The following UFL1 variants were observed in gnomAD, a reference collection of about 807,000 sequenced individuals.
UFL1 encodes the protein UFM1 specific ligase 1.
In UFL1, 78 loss-of-function variants were observed where a neutral mutation model predicts 99.3. The ratio of observed to expected loss-of-function variants is 0.79; its 90% confidence interval spans 0.65 to 0.95. The LOEUF is 0.95. Ranked by LOEUF, UFL1 falls within the 40% of genes least tolerant of loss-of-function variation. UFL1 has a pLI of 0.00. For missense variants in UFL1, 936 were observed against 937.0 expected (o/e 1.00, Z 0.01); for synonymous variants, 335 against 322.2 (o/e 1.04, Z -0.42).
In UFL1 at chr6:96,528,560, G is replaced by A. The variant is rs778067168; in HGVS notation, c.524G>A (p.Gly175Glu). ...GGACATATTGATCTTGATAATAGAG[G>A]AGTAATTTTTACGGAAGCTTTTGTA... is the stretch of plus-strand genomic sequence containing the variant. ...ISGHIDLDNR[G>E]VIFTEAFVAR... Residue 175 changes from glycine to glutamate, a missense_variant, in exon 6 of 19, where the codon GGA becomes GAA. Gly to Glu is a moderately conservative substitution (Grantham distance 98). Coordinates refer to ENST00000369278, the MANE Select transcript of UFL1 (RefSeq NM_015323.5). 32 of 1,613,742 alleles carry A rather than the reference G, an allele frequency of 2.0e-5. No homozygotes were observed. The highest frequency in any genetic ancestry group is 2.7e-5 in the Non-Finnish European group (32 of 1,179,854).
chr6:96,552,854 T>G, intron 18 of UFL1, among the ~76,000 whole-genome samples, 192 bp downstream of exon 18: 1 of 152,136 alleles, frequency 6.6e-6, no homozygotes, highest in East Asian at 1.9e-4. Flanking sequence ...CTTTCAAGAA[T>G]GTTCTGAATT....
At chr6:96,530,334 G>A (rs188498038) in intron 6 of UFL1, among the ~76,000 whole-genome samples, 165 of 152,258 alleles carry the variant, frequency 1.1e-3, no homozygotes, top group African/African-American at 3.6e-3. Context: ...CAGGTTATGT[G>A]TCTTTTGATA....
chr6:96,526,190 GTGT>G, intron 4 of UFL1, 128 bp from the exon 5 acceptor site: 2 of 640,224 alleles, frequency 3.1e-6, no homozygotes, highest in Admixed American at 5.8e-5. Context: ...GTGATGAGTG[GTGT>G]TCATGTACAC....
intron 6 of UFL1, among the ~76,000 whole-genome samples, chr6:96,532,227 T>G (rs1769792763): frequency 6.6e-6 from 1 of 152,210 alleles, no homozygotes. Flanking sequence ...ATAAGCTAGG[T>G]ACCTAGACAT....
rs1770128512 is a variant in UFL1, at chr6:96,554,549, C to A, written c.*1046C>A. On this transcript the variant is annotated 3_prime_UTR_variant, in exon 19 of 19. Transcript: ENST00000369278. ...CAAATGAATTTCAAGCAACAACTTA[C>A]TTACTATTTATCAAAAAGGGATTTA... 1 of 151,920 alleles carries A rather than the reference C, an allele frequency of 6.6e-6. No homozygotes were observed. Among genetic ancestry groups the A allele is most frequent in the Non-Finnish European group, 1.5e-5 (1 of 67,908 alleles). 9.4% of individuals were successfully genotyped at this position (151,920 alleles called of 1,614,324 possible). A position where few individuals can be genotyped will look rare whatever the true frequency, so the allele number is the denominator to read the frequency against.
At position 96,521,835 on chromosome 6, in the gene UFL1, G is replaced by A. The variant is rs778391128; in HGVS notation, c.-39G>A. On this transcript the variant is annotated 5_prime_UTR_variant, in exon 1 of 19. Coordinates refer to ENST00000369278, the MANE Select transcript of UFL1 (RefSeq NM_015323.5). ...TCTCCCACCGCCTGTCGGCTGACGT[G>A]TCTGCAGTTCCTCCGCGTCTACTGC... 10 of 1,594,676 alleles carry A rather than the reference G, an allele frequency of 6.3e-6. No individual in the cohort carries two copies. Among genetic ancestry groups the A allele is most frequent in the African/African-American group, 1.3e-5 (1 of 74,562 alleles).
rs201670409 is a variant in UFL1, at chr6:96,553,494, G to A, written c.2376G>A (p.Thr792=). ...TCAAATCTAGGAAATCATCTGTGAC[G>A]GAAGAGTAATGATCTTAATTTACAT... ...LVLKSRKSSV[T]EE Residue 792 remains threonine, a synonymous_variant, in exon 19 of 19, where the codon ACG becomes ACA. Coordinates refer to ENST00000369278, the MANE Select transcript of UFL1 (RefSeq NM_015323.5). 5.2e-5 allele frequency: 84 copies of A among 1,612,476 alleles called. No individual in the cohort carries two copies. The highest frequency in any genetic ancestry group is 2.0e-4 in the South Asian group (18 of 90,994).
In UFL1 at chr6:96,553,706, A is replaced by G. The variant is rs995542811; in HGVS notation, c.*203A>G. 7 of 415,718 alleles carry G rather than the reference A, an allele frequency of 1.7e-5. No individual in the cohort carries two copies. The Admixed American group carries it at 2.8e-4, about 17-fold the overall frequency. The allele number at this position is 415,718 out of a possible 1,614,324, so 25.8% of individuals were successfully genotyped here. A position where few individuals can be genotyped will look rare whatever the true frequency, so the allele number is the denominator to read the frequency against. ...TTTTGTAAATTGGGTTCTTCATGGAAGTTTTTTTCCACCTGATTTTCACAC... is the reference window on the plus strand; with the variant it reads ...TTTTGTAAATTGGGTTCTTCATGGAGGTTTTTTTCCACCTGATTTTCACAC... On this transcript the variant is annotated 3_prime_UTR_variant, in exon 19 of 19. Coordinates refer to ENST00000369278, the MANE Select transcript of UFL1 (RefSeq NM_015323.5).
chr6:96,549,469 T>C lies in UFL1; in HGVS notation c.1578T>C (p.Thr526=). Residue 526 remains threonine (T), a synonymous_variant, in exon 14 of 19, where the codon ACT becomes ACC. Coordinates refer to ENST00000369278, the MANE Select transcript of UFL1 (RefSeq NM_015323.5). The part of the protein sequence containing the change: ...VVRSVFMSST[T]SASGTGRKRT... The stretch of plus-strand genomic sequence containing the variant: ...GTTCAGTATTCATGTCTTCAACAAC[T>C]TCTGCTTCTGGGACGGGCAGAAAAC... The C allele has an allele frequency of 6.3e-7, 1 of 1,596,292 alleles. No individual in the cohort carries two copies. Among genetic ancestry groups the C allele is most frequent in the Non-Finnish European group, 8.5e-7 (1 of 1,175,058 alleles).
At chr6:96,549,305 A>C in intron 13 of UFL1, 107 bp from the exon 14 acceptor site, 1 of 881,198 alleles carries the variant, frequency 1.1e-6, no homozygotes, top group Admixed American at 3.7e-5. Flanking sequence ...TGCATAAAAA[A>C]ATAGAGATTT....
In UFL1 at chr6:96,538,779, T is replaced by A. The variant is rs1562254166; in HGVS notation, c.1127T>A (p.Phe376Tyr). 1 of 1,607,704 alleles carries A rather than the reference T, an allele frequency of 6.2e-7. No individual in the cohort carries two copies. The highest frequency in any genetic ancestry group is 8.5e-7 in the Non-Finnish European group (1 of 1,176,226). Reference sequence around the variant, plus strand: ...TTTATAAATGACTGTACAGAACTGTTCCGTGAGCTGATGCACCAGAAAGCT... The same window carrying A: ...TTTATAAATGACTGTACAGAACTGTACCGTGAGCTGATGCACCAGAAAGCT... The part of the protein sequence containing the change: ...EKFINDCTEL[F>Y]RELMHQKAEK... Residue 376 changes from phenylalanine to tyrosine, a missense_variant, in exon 10 of 19, where the codon TTC (phenylalanine) becomes TAC (tyrosine). Coordinates refer to ENST00000369278, the MANE Select transcript of UFL1 (RefSeq NM_015323.5).
In UFL1 at chr6:96,538,683, A is replaced by G; in HGVS notation, c.1031A>G (p.Gln344Arg). Residue 344 changes from glutamine (Q) to arginine (R), a missense_variant, in exon 10 of 19, where the codon CAG becomes CGG. Physicochemically the swap from Gln to Arg is conservative, Grantham distance 43. Coordinates refer to ENST00000369278, the MANE Select transcript of UFL1 (RefSeq NM_015323.5). ...GAAGATGCTGCCATATTGCTTCAGC[A>G]GGTGATGAGGGCATTCAGCAAACAG... ...SVEDAAILLQ[Q>R]VMRAFSKQAS... is the part of the protein sequence containing the mutation. The G allele has an allele frequency of 1.9e-6, 3 of 1,611,538 alleles. No individual in the cohort carries two copies. Among genetic ancestry groups the G allele is most frequent in the South Asian group, 2.2e-5 (2 of 91,024 alleles).
intron 7 of UFL1, among the ~76,000 whole-genome samples, chr6:96,535,962 A>C (rs113287593): frequency 0.013 from 1,963 of 152,170 alleles, 37 homozygotes; most frequent in African/African-American, 0.038. Flanking sequence ...AAAATTACTC[A>C]AACTAAAAAT....
At chr6:96,550,502 CT>C (rs1317420006) in intron 15 of UFL1, among the ~76,000 whole-genome samples, 1 of 151,960 alleles carries the variant, frequency 6.6e-6, no homozygotes, top group Non-Finnish European at 1.5e-5. Context: ...CCAAATCAGT[CT>C]GATGTTTGTG....
chr6:96,543,728 C>T (rs1385020429), intron 12 of UFL1, among the ~76,000 whole-genome samples: 1 of 150,912 alleles, frequency 6.6e-6, no homozygotes, highest in South Asian at 2.1e-4. Context: ...ACATTGGAAG[C>T]TGATTCAGAG....
chr6:96,525,481 C>A, intron 4 of UFL1, 87 bp downstream of exon 4: 1 of 929,472 alleles, frequency 1.1e-6, no homozygotes, highest in East Asian at 2.5e-5. Flanking sequence ...CAATTATGGC[C>A]AGTTAGACAT....
chr6:96,553,123 C>T (rs757334119), intron 18 of UFL1, among the ~76,000 whole-genome samples, 162 bp from the exon 19 acceptor site: 38 of 152,102 alleles, frequency 2.5e-4, no homozygotes, highest in Admixed American at 4.6e-4. Context: ...CTAAATTGTA[C>T]ACTCCTTGAG....
At chr6:96,547,956 G>C (rs1227141116) in intron 12 of UFL1, among the ~76,000 whole-genome samples, 1 of 151,412 alleles carries the variant, frequency 6.6e-6, no homozygotes, top group Non-Finnish European at 1.5e-5. Flanking sequence ...CGAAGCCCCT[G>C]AATATAAAAT....
Position 96,523,237 on chromosome 6 carries a change from A to G in UFL1, c.169A>G (p.Ile57Val). The change falls in exon 2 of 19, where the codon ATT becomes GTT. Residue 57 changes from isoleucine (I) to valine (V), a missense_variant. Transcript: ENST00000369278. ...VVHTLDGKEY[I>V]TPAQISKEMR... ...TCATACACTCGATGGAAAGGAATAT[A>G]TTACTCCAGCCCAAATTAGTAAAGA... The G allele has an allele frequency of 6.2e-7, 1 of 1,612,984 alleles. No homozygotes were observed. The highest frequency in any genetic ancestry group is 8.5e-7 in the Non-Finnish European group (1 of 1,179,470).
Sources: gnomAD v4.1 joint callset for allele counts (sites outside exome capture counted in the v4.1 genomes callset) on GRCh38, gnomAD v4.1.1 for gene constraint, MANE v1.5 for transcripts, NCBI Gene and HGNC (gene_info 2026-07-23, HGNC 2026-07-21) for gene names.